The following CHST11 variants were observed in gnomAD, a reference collection of about 807,000 sequenced individuals.
CHST11 encodes C4S-1.
A neutral mutation model predicts 30.4 loss-of-function variants in CHST11; 9 were observed. The observed-to-expected ratio is 0.30, with a 90% CI of 0.18 to 0.52. The LOEUF is 0.52. CHST11 is among the 20% of genes least tolerant of loss of function. CHST11 has a pLI of 0.97. For synonymous variants in CHST11, 152 were observed against 187.8 expected, an observed-to-expected ratio of 0.81 and a Z score of 1.56; for missense variants, 348 against 460.6, an observed-to-expected ratio of 0.76 and a Z score of 2.24.
At chr12:104,580,309 C>T (rs1297231382) in intron 1 of CHST11, among the ~76,000 whole-genome samples, 2 of 152,128 alleles carry the variant, frequency 1.3e-5, no homozygotes, top group Non-Finnish European at 2.9e-5. Flanking sequence ...TGTTCAGCCA[C>T]AATAAAGCCA....
At chr12:104,493,371 G>A (rs755373121) in intron 1 of CHST11, among the ~76,000 whole-genome samples, 1 of 152,180 alleles carries the variant, frequency 6.6e-6, no homozygotes, top group Non-Finnish European at 1.5e-5. Flanking sequence ...TAGGCCTTGG[G>A]CTACTTAATT....
chr12:104,562,971 A>G (rs1192787959), intron 1 of CHST11, among the ~76,000 whole-genome samples: 1 of 152,166 alleles, frequency 6.6e-6, no homozygotes, highest in East Asian at 1.9e-4. Flanking sequence ...CATCTGTGAA[A>G]TGGGTATGGT....
At chr12:104,653,500 C>T (rs1844324158) in intron 2 of CHST11, among the ~76,000 whole-genome samples, 1 of 152,134 alleles carries the variant, frequency 6.6e-6, no homozygotes. Context: ...AAAATGTGTA[C>T]TCATGGAGGG....
chr12:104,584,863 T>A lies in CHST11; in HGVS notation c.119-17043T>A, dbSNP rs372581295. ...CGTCCATCTTTTAGTTTCTGTTGAA[T>A]TAATCCCTCGGTGTAATTTCCCAAG... On this transcript the variant is annotated intron_variant, in intron 1 of 2. Transcript: ENST00000303694. Among the ~76,000 whole-genome samples, 105 of 152,354 alleles carry A rather than the reference T, an allele frequency of 6.9e-4. 1 individual carries two copies. Among genetic ancestry groups the A allele is most frequent in the African/African-American group, 2.4e-3 (101 of 41,584 alleles).
At chr12:104,504,776 A>T (rs543425717) in intron 1 of CHST11, among the ~76,000 whole-genome samples, 1 of 152,224 alleles carries the variant, frequency 6.6e-6, no homozygotes, top group East Asian at 1.9e-4. Flanking sequence ...GACCAGCCTG[A>T]GCAACATAGT....
intron 1 of CHST11, among the ~76,000 whole-genome samples, chr12:104,466,391 A>G (rs1318026194): frequency 2.6e-5 from 4 of 152,252 alleles, no homozygotes; most frequent in Non-Finnish European, 5.9e-5. Flanking sequence ...TGTGTCTGGA[A>G]CTATTGAGTT....
In CHST11 at chr12:104,612,092, G is replaced by A. The variant is rs535977873; in HGVS notation, c.204+10101G>A. Among the ~76,000 whole-genome samples the A allele has an allele frequency of 2.0e-5, 3 of 152,262 alleles. No individual in the cohort carries two copies. The East Asian group carries it at 5.8e-4, about 29-fold the overall frequency. ...GTAGTGTGCGGCACGCAGCAAATAC[G>A]CACTGCGTGAAATGGAACTGGAATT... On this transcript the variant is annotated intron_variant, in intron 2 of 2. Transcript: ENST00000303694.
At chr12:104,639,495 A>G (rs1045543695) in intron 2 of CHST11, among the ~76,000 whole-genome samples, 2 of 152,200 alleles carry the variant, frequency 1.3e-5, no homozygotes, top group African/African-American at 2.4e-5. Context: ...TAATTTTTTC[A>G]TGAGGCAGCC....
At chr12:104,631,085 A>G (rs1032814583) in intron 2 of CHST11, among the ~76,000 whole-genome samples, 3 of 152,204 alleles carry the variant, frequency 2.0e-5, no homozygotes, top group African/African-American at 7.2e-5. Flanking sequence ...GAGAGTGTTC[A>G]GAATCGATTT....
chr12:104,687,146 G>A (rs993157684), intron 2 of CHST11, among the ~76,000 whole-genome samples: 3 of 152,234 alleles, frequency 2.0e-5, no homozygotes, highest in African/African-American at 7.2e-5. Context: ...GGTTGCAATA[G>A]GGCCTAGGAT....
At chr12:104,553,446 AAG>A (rs1283421886) in intron 1 of CHST11, 1 of 152,328 alleles carries the variant, frequency 6.6e-6, no homozygotes, top group Non-Finnish European at 1.5e-5. Context: ...TTATGAAACA[AAG>A]AGGTTTAATT....
intron 2 of CHST11, among the ~76,000 whole-genome samples, chr12:104,753,711 G>T (rs1465434970): frequency 6.6e-6 from 1 of 152,168 alleles, no homozygotes; most frequent in Non-Finnish European, 1.5e-5. Context: ...GAAGAAACTG[G>T]GCTCTACCCA....
chr12:104,659,790 ACC>A (rs36101250), intron 2 of CHST11, among the ~76,000 whole-genome samples: 15 of 146,564 alleles, frequency 1.0e-4, no homozygotes, highest in African/African-American at 2.5e-4. Context: ...ACATAGTGAG[ACC>A]CCCCCCCGCC....
chr12:104,617,735 T>C (rs78393037), intron 2 of CHST11, among the ~76,000 whole-genome samples: 4,981 of 152,260 alleles, frequency 0.033, 222 homozygotes, highest in South Asian at 0.12. Flanking sequence ...GCAGAGCAAT[T>C]TGGTGTCAGT....
At chr12:104,647,639 T>A (rs2039447260) in intron 2 of CHST11, among the ~76,000 whole-genome samples, 1 of 152,260 alleles carries the variant, frequency 6.6e-6, no homozygotes, top group Non-Finnish European at 1.5e-5. Flanking sequence ...GATTTTTACC[T>A]CTGTGTGATA....
At chr12:104,615,784 C>A (rs1030496209) in intron 2 of CHST11, among the ~76,000 whole-genome samples, 3 of 152,096 alleles carry the variant, frequency 2.0e-5, no homozygotes, top group African/African-American at 7.2e-5. Context: ...AAAAATTAGC[C>A]AGGCGTGGTG....
At chr12:104,612,525 C>A (rs1198855382) in intron 2 of CHST11, among the ~76,000 whole-genome samples, 2 of 152,274 alleles carry the variant, frequency 1.3e-5, no homozygotes, top group Admixed American at 1.3e-4. Context: ...CTGTAATGAC[C>A]CTATTTCCAA....
intron 1 of CHST11, among the ~76,000 whole-genome samples, chr12:104,490,843 A>G (rs907975009): frequency 1.3e-5 from 2 of 152,170 alleles, no homozygotes; most frequent in African/African-American, 4.8e-5. Flanking sequence ...TTCTTGAACC[A>G]TTTTCAGAAC....
intron 1 of CHST11, among the ~76,000 whole-genome samples, chr12:104,481,959 T>C (rs2037627666): frequency 1.3e-5 from 2 of 151,338 alleles, no homozygotes; most frequent in Non-Finnish European, 2.9e-5. Flanking sequence ...TGCCTCAGCC[T>C]CCCGAGTAGC....
Sources: allele counts gnomAD v4.1 joint callset (sites outside exome capture counted in the v4.1 genomes callset), GRCh38; gene constraint gnomAD v4.1.1; transcripts MANE v1.5; gene names NCBI Gene and HGNC (gene_info 2026-07-23, HGNC 2026-07-21).